Variants in LRP1B observed in about 807,000 individuals in gnomAD.
LRP1B encodes the protein low-density lipoprotein receptor-related protein 1B.
In LRP1B, 217 loss-of-function variants were observed where a neutral mutation model predicts 556.6. The observed-to-expected ratio is 0.39, with a 90% CI of 0.35 to 0.44. The LOEUF is 0.44. Among genes scored for constraint, LRP1B ranks in the 20% least tolerant of loss-of-function variants. LRP1B has a pLI of 1.00. For missense variants in LRP1B, 5,053 were observed against 5,620.8 expected (o/e 0.90, Z 3.23); for synonymous variants, 2,047 against 1,865.8 (o/e 1.10, Z -2.50).
intron 3 of LRP1B, among the ~76,000 whole-genome samples, chr2:141,441,028 T>A (rs1236751786): frequency 1.3e-5 from 2 of 151,972 alleles, no homozygotes; most frequent in Non-Finnish European, 2.9e-5. Context: ...GCTCAAAATG[T>A]CAATAGTGTG....
intron 2 of LRP1B, among the ~76,000 whole-genome samples, chr2:141,624,041 A>AAAAAAAAG (rs1688611714): frequency 6.7e-6 from 1 of 149,288 alleles, no homozygotes; most frequent in East Asian, 2.0e-4. Context: ...TTAAACAAAA[A>AAAAAAAAG]AAAAAAGAAA....
chr2:140,581,436 C>T (rs563823059), intron 43 of LRP1B, among the ~76,000 whole-genome samples: 5 of 152,180 alleles, frequency 3.3e-5, no homozygotes, highest in African/African-American at 9.6e-5. Flanking sequence ...TTCCCGGGAT[C>T]GCATACCTAA....
intron 32 of LRP1B, among the ~76,000 whole-genome samples, chr2:140,786,764 TC>T (rs1211537716): frequency 5.9e-5 from 9 of 152,010 alleles, no homozygotes; most frequent in African/African-American, 2.2e-4. Context: ...GAGACTTGTG[TC>T]ATGGAGAGCT....
intron 3 of LRP1B, among the ~76,000 whole-genome samples, chr2:141,422,999 A>C (rs1384267720): frequency 6.6e-6 from 1 of 152,236 alleles, no homozygotes; most frequent in Non-Finnish European, 1.5e-5. Flanking sequence ...AAATGATATT[A>C]TTCTTCTAGA....
intron 11 of LRP1B, among the ~76,000 whole-genome samples, chr2:141,028,932 G>A (rs1698290789): frequency 6.6e-6 from 1 of 152,072 alleles, no homozygotes; most frequent in African/African-American, 2.4e-5. Flanking sequence ...AGAGAAAAAG[G>A]CAGGAAAGGG....
At chr2:141,655,155 T>C (rs1350807251) in intron 2 of LRP1B, among the ~76,000 whole-genome samples, 1 of 152,154 alleles carries the variant, frequency 6.6e-6, no homozygotes, top group Non-Finnish European at 1.5e-5. Context: ...TTGAGGAAAG[T>C]TGACTTATTT....
chr2:141,234,736 A>T (rs557499614), intron 5 of LRP1B, among the ~76,000 whole-genome samples: 1 of 152,294 alleles, frequency 6.6e-6, no homozygotes, highest in African/African-American at 2.4e-5. Flanking sequence ...AAAGTTAAAT[A>T]TGTAATATTA....
At chr2:141,316,863 A>T (rs1255396712) in intron 3 of LRP1B, among the ~76,000 whole-genome samples, 1 of 152,214 alleles carries the variant, frequency 6.6e-6, no homozygotes, top group East Asian at 1.9e-4. Context: ...ATTCCTAGGA[A>T]AACAGAGTTC....
intron 3 of LRP1B, among the ~76,000 whole-genome samples, chr2:141,416,292 C>A (rs1172528122): frequency 6.6e-6 from 1 of 151,948 alleles, no homozygotes; most frequent in African/African-American, 2.4e-5. Flanking sequence ...AGGTAAGTGA[C>A]CTTGGCTAAT....
intron 83 of LRP1B, among the ~76,000 whole-genome samples, chr2:140,299,461 T>C (rs890143511): frequency 6.6e-6 from 1 of 152,128 alleles, no homozygotes; most frequent in African/African-American, 2.4e-5. Context: ...TAAATGCCTA[T>C]TAATGGCCTG....
rs60275697 is a variant in LRP1B, at chr2:141,108,334, C to CTTTTTT, written c.1014-46067_1014-46062dup. On this transcript the variant is annotated intron_variant, in intron 7 of 90. Transcript: ENST00000389484. The stretch of plus-strand genomic sequence containing the variant: ...ACAAAAATATGTTTATAATCTGTTT[C>CTTTTTT]TTTTTTTTTTTTTTTTTTTTTTTTT... Among the ~76,000 whole-genome samples, 429 of 88,464 alleles carry CTTTTTT rather than the reference C, an allele frequency of 4.8e-3. 16 individuals are homozygous for CTTTTTT. The highest frequency in any genetic ancestry group is 8.5e-3 in the African/African-American group (176 of 20,706). The allele number at this position is 88,464 out of a possible 152,430, so 58.0% of individuals were successfully genotyped here.
rs116694526 is a variant in LRP1B, at chr2:141,334,275, C to A, written c.344-79634G>T. Among the ~76,000 whole-genome samples, 384 of 152,248 alleles carry A rather than the reference C, an allele frequency of 2.5e-3. 2 individuals carry two copies. In the Middle Eastern group the frequency reaches 0.034, roughly 13 times the overall value. ...TGGGCAGTTTCTAATGGTTTAAAAC[C>A]ATCCCACCGGGTGCTTTTCTGAAGA... On this transcript the variant is annotated intron_variant, in intron 3 of 90. Transcript: ENST00000389484.
chr2:140,286,491 G>A (rs560773358), intron 84 of LRP1B, among the ~76,000 whole-genome samples: 1 of 151,878 alleles, frequency 6.6e-6, no homozygotes, highest in Admixed American at 6.6e-5. Flanking sequence ...GGCCACTCTA[G>A]ACATGCCATA....
chr2:140,808,425 A>G (rs888542062), intron 32 of LRP1B, among the ~76,000 whole-genome samples: 1 of 152,216 alleles, frequency 6.6e-6, no homozygotes, highest in Non-Finnish European at 1.5e-5. Flanking sequence ...GTTAGTTCAC[A>G]CAGCATTCCT....
intron 66 of LRP1B, among the ~76,000 whole-genome samples, chr2:140,397,743 G>A (rs1046042314): frequency 6.6e-6 from 1 of 151,764 alleles, no homozygotes; most frequent in African/African-American, 2.4e-5. Context: ...CTTGTGTTTT[G>A]TTTTTTCCAA....
intron 20 of LRP1B, among the ~76,000 whole-genome samples, chr2:140,939,885 A>AAT (rs375718792): frequency 7.5e-6 from 1 of 132,652 alleles, no homozygotes; most frequent in African/African-American, 2.8e-5. Flanking sequence ...ATTTGGTGTA[A>AAT]TTTTTTTTTT....
chr2:141,319,805 G>A (rs925495667), intron 3 of LRP1B, among the ~76,000 whole-genome samples: 3 of 152,066 alleles, frequency 2.0e-5, no homozygotes, highest in Admixed American at 2.0e-4. Flanking sequence ...CATGAGTCAA[G>A]TCTGTCTTGC....
chr2:140,902,808 C>T lies in LRP1B; in HGVS notation c.3766+112G>A, dbSNP rs548188944. 5.8e-5 allele frequency: 65 copies of T among 1,118,048 alleles called. No homozygotes were observed. The African/African-American group carries it at 9.6e-4, about 17-fold the overall frequency. The allele number at this position is 1,118,048 out of a possible 1,614,324, so 69.3% of individuals were successfully genotyped here. On this transcript the variant is annotated intron_variant, in intron 23 of 90. Transcript: ENST00000389484. ...TAAAATAACACATTATAGTTAAATG[C>T]TTTATCTAAAATGAGTTGAATCCTT...
At chr2:141,518,894 G>A (rs12998001) in intron 2 of LRP1B, among the ~76,000 whole-genome samples, 91,999 of 151,948 alleles carry the variant, frequency 0.61, 28,162 homozygotes, top group South Asian at 0.7. Flanking sequence ...AGGCTGCAGT[G>A]AGCTGAGATC....
Sources: allele counts gnomAD v4.1 joint callset (sites outside exome capture counted in the v4.1 genomes callset), GRCh38; gene constraint gnomAD v4.1.1; transcripts MANE v1.5; gene names NCBI Gene and HGNC (gene_info 2026-07-23, HGNC 2026-07-21).